FILIP1L: variants seen among roughly 807,000 people sequenced by gnomAD.
FILIP1L encodes the protein filamin A-interacting protein 1-like.
In FILIP1L, 55 loss-of-function variants were observed where a neutral mutation model predicts 96.6. The ratio of observed to expected loss-of-function variants is 0.57; its 90% CI spans 0.46 to 0.71. The LOEUF is 0.71. FILIP1L is among the 30% of genes least tolerant of loss of function. The probability of loss-of-function intolerance (pLI) is 0.00; values close to 1 mark genes in which losing one functional copy is unlikely to be tolerated. For synonymous variants in FILIP1L, 467 were observed against 473.9 expected (o/e 0.99, Z 0.19); for missense variants, 1,304 against 1,321.2 (o/e 0.99, Z 0.20).
intron 1 of FILIP1L, among the ~76,000 whole-genome samples, chr3:100,061,965 C>G (rs2065574194): frequency 6.6e-6 from 1 of 152,050 alleles, no homozygotes; most frequent in South Asian, 2.1e-4. Flanking sequence ...TGTTATGCAA[C>G]CAAGACTACT....
chr3:99,927,130 A>G (rs1707317587), intron 3 of FILIP1L, among the ~76,000 whole-genome samples: 1 of 152,182 alleles, frequency 6.6e-6, no homozygotes, highest in Admixed American at 6.5e-5. Flanking sequence ...TGGTGCTTCA[A>G]GACTGCTTTT....
At position 99,983,460 on chromosome 3, in the gene FILIP1L, GTGTGTATATATATATATATATATATATA is replaced by G. The variant is rs1559713665; in HGVS notation, c.-10-52458_-10-52431del. On this transcript the variant is annotated intron_variant, in intron 1 of 5. Transcript: ENST00000477258. ...TATATATGTATGTATATATATATAT[GTGTGTATATATATATATATATATATATA>G]TATATATATATATATATATATGTAT... is the stretch of plus-strand genomic sequence containing the variant. 8.9e-3 allele frequency among the ~76,000 whole-genome samples: 618 copies of G among 69,464 alleles called. 20 individuals are homozygous for G. Among genetic ancestry groups the G allele is most frequent in the African/African-American group, 0.015 (147 of 9,670 alleles). 45.6% of individuals were successfully genotyped at this position (69,464 alleles called of 152,430 possible).
At position 100,030,415 on chromosome 3, in the gene FILIP1L, A is replaced by G. The variant is rs533200234; in HGVS notation, c.-11+83638T>C. 2.4e-4 allele frequency among the ~76,000 whole-genome samples: 37 copies of G among 152,240 alleles called. No individual in the cohort carries two copies. In the South Asian group the frequency reaches 4.1e-3, roughly 17 times the overall value. ...AAGAGCTTTTCCAACTCTAATTGTA[A>G]TGAGTATTGATAATTTTCATCATAT... On this transcript the variant is annotated intron_variant, in intron 1 of 5. Transcript: ENST00000477258.
At chr3:100,045,301 T>A (rs1271815807) in intron 1 of FILIP1L, among the ~76,000 whole-genome samples, 1 of 152,240 alleles carries the variant, frequency 6.6e-6, no homozygotes, top group Admixed American at 6.5e-5. Flanking sequence ...GCACTCAATA[T>A]ATGGTAATTG....
chr3:100,098,260 G>A (rs941307171), intron 1 of FILIP1L, among the ~76,000 whole-genome samples: 1 of 152,216 alleles, frequency 6.6e-6, no homozygotes, highest in Non-Finnish European at 1.5e-5. Context: ...ATAAGCTTCA[G>A]TAGAAGGAGG....
In FILIP1L at chr3:99,848,608, G is replaced by A. The variant is rs1943487195; in HGVS notation, c.3068C>T (p.Thr1023Ile). The A allele has an allele frequency of 6.2e-7, 1 of 1,614,178 alleles. No homozygotes were observed. Among genetic ancestry groups the A allele is most frequent in the South Asian group, 1.1e-5 (1 of 91,086 alleles). Residue 1023 changes from threonine to isoleucine, a missense_variant, in exon 5 of 6, where the codon ACA becomes ATA. Transcript: ENST00000477258. ...TATCGCATGCTTGGCACTGATTTCT[G>A]TTGGTTCTGGGGAGCGTCCCTGCTC... The part of the protein sequence containing the change: ...SPEQGRSPEP[T>I]EISAKHAIFR...
At chr3:99,845,142 A>G (rs1450670116) in intron 5 of FILIP1L, among the ~76,000 whole-genome samples, 1 of 152,158 alleles carries the variant, frequency 6.6e-6, no homozygotes, top group African/African-American at 2.4e-5. Context: ...ACAAGTATCA[A>G]GATTCTTTCT....
chr3:99,972,149 G>A (rs1195683906), intron 1 of FILIP1L, among the ~76,000 whole-genome samples: 1 of 152,218 alleles, frequency 6.6e-6, no homozygotes, highest in Non-Finnish European at 1.5e-5. Context: ...AGACTGATAT[G>A]CAAAGTGTGG....
At chr3:99,998,149 A>G (rs1246011193) in intron 1 of FILIP1L, among the ~76,000 whole-genome samples, 1 of 152,228 alleles carries the variant, frequency 6.6e-6, no homozygotes, top group Non-Finnish European at 1.5e-5. Context: ...TAATCTCAGC[A>G]AGATCTGTTA....
At chr3:100,003,751 C>A (rs1292844759) in intron 1 of FILIP1L, among the ~76,000 whole-genome samples, 1 of 151,882 alleles carries the variant, frequency 6.6e-6, no homozygotes, top group Non-Finnish European at 1.5e-5. Context: ...GTTTGTTTAC[C>A]CTTGAGATGC....
chr3:100,028,874 C>CTT (rs1173987311), intron 1 of FILIP1L, among the ~76,000 whole-genome samples: 1 of 152,108 alleles, frequency 6.6e-6, no homozygotes, highest in African/African-American at 2.4e-5. Context: ...TTCAATACAC[C>CTT]TTTTTACTGA....
At chr3:100,111,896 A>G (rs1419960792) in intron 1 of FILIP1L, among the ~76,000 whole-genome samples, 1 of 152,202 alleles carries the variant, frequency 6.6e-6, no homozygotes, top group Non-Finnish European at 1.5e-5. Context: ...CTCCATATCT[A>G]TGTTGAACAA....
intron 4 of FILIP1L, among the ~76,000 whole-genome samples, chr3:99,912,146 G>A (rs924234885): frequency 6.6e-6 from 1 of 151,846 alleles, no homozygotes; most frequent in Non-Finnish European, 1.5e-5. Context: ...TGACCTTTTT[G>A]GTTTTATTCA....
Position 99,878,578 on chromosome 3 carries a change from G to A in FILIP1L, c.606-27508C>T, listed in dbSNP as rs1705617731. ...AGGAGTGTTCAGATTTAACTGAGAA[G>A]TTTCTGTTTATTTTCTAGACTGAAT... is the stretch of plus-strand genomic sequence containing the variant. On this transcript the variant is annotated intron_variant, in intron 4 of 5. Coordinates refer to ENST00000477258, the MANE Select transcript of FILIP1L (RefSeq NM_001387850.1). Among the ~76,000 whole-genome samples the A allele has an allele frequency of 2.6e-5, 4 of 152,316 alleles. No homozygotes were observed. The South Asian group carries it at 8.3e-4, about 32-fold the overall frequency.
intron 1 of FILIP1L, among the ~76,000 whole-genome samples, chr3:100,087,298 A>G (rs1392512493): frequency 6.6e-6 from 1 of 152,190 alleles, no homozygotes; most frequent in Non-Finnish European, 1.5e-5. Context: ...TGATTGTACT[A>G]TTTTGTGTTC....
At chr3:99,920,641 T>C (rs139592743) in intron 4 of FILIP1L, among the ~76,000 whole-genome samples, 4 of 152,194 alleles carry the variant, frequency 2.6e-5, no homozygotes, top group Non-Finnish European at 5.9e-5. Flanking sequence ...GGGAACAGGC[T>C]TTCCTGAGCT....
At chr3:100,010,143 A>AT (rs1227949981) in intron 1 of FILIP1L, 1 of 973,812 alleles carries the variant, frequency 1.0e-6, no homozygotes, top group Admixed American at 6.2e-5. Flanking sequence ...AAGTCATCTG[A>AT]TTGGAGCCAC....
At chr3:99,911,674 T>C (rs1706793097) in intron 4 of FILIP1L, among the ~76,000 whole-genome samples, 2 of 152,178 alleles carry the variant, frequency 1.3e-5, no homozygotes. Context: ...CTGGGAAACC[T>C]TCACATTCGC....
chr3:100,015,587 A>G (rs1024671897), intron 1 of FILIP1L, among the ~76,000 whole-genome samples: 6 of 152,228 alleles, frequency 3.9e-5, no homozygotes, highest in African/African-American at 1.4e-4. Context: ...CATTGCTTCT[A>G]GAATTCTGAT....
Sources: gnomAD v4.1 joint callset for allele counts (sites outside exome capture counted in the v4.1 genomes callset) on GRCh38, gnomAD v4.1.1 for gene constraint, MANE v1.5 for transcripts, NCBI Gene and HGNC (gene_info 2026-07-23, HGNC 2026-07-21) for gene names.